Variants in FBXO38 observed in about 807,000 individuals in gnomAD.
The protein encoded by FBXO38 is F-box protein 38, also known as F-box only protein 38.
A neutral mutation model predicts 131.9 loss-of-function variants in FBXO38; 53 were observed. That is an observed-to-expected ratio of 0.40 (90% CI 0.32 to 0.51). The LOEUF (loss-of-function observed/expected upper bound fraction) is 0.51, where lower values mean the gene tolerates loss of function less well. Among genes scored for constraint, FBXO38 ranks in the 20% least tolerant of loss-of-function variants. FBXO38 has a pLI of 0.53. For synonymous variants in FBXO38, 452 were observed against 505.6 expected, an observed-to-expected ratio of 0.89 and a Z score of 1.42; for missense variants, 1,076 against 1,475.6, an observed-to-expected ratio of 0.73 and a Z score of 4.44.
chr5:148,400,647 T>C (rs1752090711), intron 3 of FBXO38, among the ~76,000 whole-genome samples: 1 of 152,130 alleles, frequency 6.6e-6, no homozygotes, highest in Admixed American at 6.6e-5. Context: ...CTTTATATAA[T>C]AGTACTTTAT....
At chr5:148,438,798 T>A (rs190789854) in intron 18 of FBXO38, among the ~76,000 whole-genome samples, 129 of 152,302 alleles carry the variant, frequency 8.5e-4, no homozygotes, top group African/African-American at 3.0e-3. Flanking sequence ...TTTCTTCATC[T>A]GTAAAATTAG....
intron 12 of FBXO38, among the ~76,000 whole-genome samples, chr5:148,421,434 A>G (rs1753424301): frequency 6.6e-6 from 1 of 152,200 alleles, no homozygotes; most frequent in African/African-American, 2.4e-5. Flanking sequence ...TGGGGCAGGT[A>G]GTTGTCAACC....
chr5:148,424,773 G>A (rs1370524722), intron 13 of FBXO38, among the ~76,000 whole-genome samples: 1 of 152,150 alleles, frequency 6.6e-6, no homozygotes, highest in African/African-American at 2.4e-5. Context: ...TTTTAAGAGT[G>A]TTAGAGATGC....
Position 148,414,281 on chromosome 5 carries a change from A to G in FBXO38, c.1239A>G (p.Leu413=). Residue 413 remains leucine, a synonymous_variant, in exon 10 of 22, where the codon CTA becomes CTG. Coordinates refer to ENST00000340253, the MANE Select transcript of FBXO38 (RefSeq NM_205836.3). The part of the protein sequence containing the change: ...KYLAIYNCPH[L]HNPYNWISDH... ...TGGCAATTTACAATTGCCCTCATCT[A>G]CACAACCCATACAATTGGATCTCAG... 6.2e-7 allele frequency: 1 copy of G among 1,609,904 alleles called. No homozygotes were observed. The highest frequency in any genetic ancestry group is 1.1e-5 in the South Asian group (1 of 90,200).
At chr5:148,429,144 G>A (rs534260762) in intron 15 of FBXO38, among the ~76,000 whole-genome samples, 50 of 152,130 alleles carry the variant, frequency 3.3e-4, no homozygotes, top group Admixed American at 2.7e-3. Flanking sequence ...GACACCTTTT[G>A]TTGTGTGGTT....
At chr5:148,425,448 C>A in intron 13 of FBXO38, 74 bp from the exon 14 acceptor site, 1 of 1,168,506 alleles carries the variant, frequency 8.6e-7, no homozygotes, top group Non-Finnish European at 1.2e-6. Context: ...GATTCCAGAT[C>A]CCTGGAAACA....
intron 20 of FBXO38, 65 bp from the exon 21 acceptor site, chr5:148,441,059 A>G: frequency 7.8e-6 from 8 of 1,020,304 alleles, no homozygotes; most frequent in Admixed American, 3.4e-5. Flanking sequence ...TGCTTACAAA[A>G]TACTGCAGAA....
At chr5:148,403,841 G>C (rs1473434102) in intron 5 of FBXO38, among the ~76,000 whole-genome samples, 1 of 152,126 alleles carries the variant, frequency 6.6e-6, no homozygotes, top group Admixed American at 6.6e-5. Context: ...GCATTAAACA[G>C]TTTTGCCAAC....
At chr5:148,389,905 T>A (rs1758110333) in intron 1 of FBXO38, 1 of 152,222 alleles carries the variant, frequency 6.6e-6, no homozygotes, top group African/African-American at 2.4e-5. Context: ...GGCATACGCC[T>A]GTAGTCCCAG....
rs147801293 is a variant in FBXO38 at position 148,401,615 on chromosome 5, G to A, written c.263-367G>A. ...GGTTTTACAGACGAGAGTACCCATG[G>A]GGGAGGAGGAGGGTGGTGGTGATCA... is the stretch of plus-strand genomic sequence containing the variant. On this transcript the variant is annotated intron_variant, in intron 3 of 21. Coordinates refer to ENST00000340253, the MANE Select transcript of FBXO38 (RefSeq NM_205836.3). Among the ~76,000 whole-genome samples the A allele has an allele frequency of 2.2e-3, 340 of 152,192 alleles. 1 individual carries two copies. Among genetic ancestry groups the A allele is most frequent in the Non-Finnish European group, 3.9e-3 (265 of 67,988 alleles).
chr5:148,420,027 G>A lies in FBXO38; in HGVS notation c.1618+2823G>A, dbSNP rs184901375. Among the ~76,000 whole-genome samples the A allele has an allele frequency of 3.9e-3, 598 of 152,058 alleles. 5 individuals carry two copies. The highest frequency in any genetic ancestry group is 0.027 in the Middle Eastern group (8 of 294). On this transcript the variant is annotated intron_variant, in intron 12 of 21. Transcript: ENST00000340253. ...GTATTTTGAGAAGTCTTAGAACTTA[G>A]AGTACTTAATTGTGAGCTAGTTAGC...
At chr5:148,405,563 ATCT>A (rs1752400051) in intron 6 of FBXO38, among the ~76,000 whole-genome samples, 1 of 152,134 alleles carries the variant, frequency 6.6e-6, no homozygotes, top group Admixed American at 6.5e-5. Flanking sequence ...TCCAAGATAT[ATCT>A]TCTTTTATCA....
intron 12 of FBXO38, among the ~76,000 whole-genome samples, chr5:148,420,676 T>C (rs532854985): frequency 1.3e-5 from 2 of 152,314 alleles, no homozygotes; most frequent in East Asian, 3.9e-4. Flanking sequence ...CTGAATTAAC[T>C]ACCAAGTGAA....
At chr5:148,396,365 A>G (rs544927990) in intron 2 of FBXO38, among the ~76,000 whole-genome samples, 49 of 152,300 alleles carry the variant, frequency 3.2e-4, no homozygotes, top group African/African-American at 1.0e-3. Context: ...GGCTCCATTC[A>G]AATACATGTG....
At position 148,442,337 on chromosome 5, in the gene FBXO38, TA is replaced by T. The variant is rs1268926325; in HGVS notation, c.*193del. 2.4e-6 allele frequency: 1 copy of T among 415,592 alleles called. No individual in the cohort carries two copies. The highest frequency in any genetic ancestry group is 2.0e-5 in the African/African-American group (1 of 49,392). 25.7% of individuals were successfully genotyped at this position (415,592 alleles called of 1,614,324 possible). ...ATAAAAAATATACAAAGACGCTTCC[TA>T]AAGTACCAACTTTATATCATATGTT... On this transcript the variant is annotated 3_prime_UTR_variant, in exon 22 of 22. Transcript: ENST00000340253.
intron 15 of FBXO38, among the ~76,000 whole-genome samples, chr5:148,428,263 C>T (rs1200568550): frequency 1.3e-5 from 2 of 152,206 alleles, no homozygotes; most frequent in Non-Finnish European, 2.9e-5. Context: ...CCATCACACA[C>T]TTAGAGAAGT....
rs998913489 is a variant in FBXO38, at chr5:148,432,980, T to C, written c.2654-444T>C. 1.3e-4 allele frequency among the ~76,000 whole-genome samples: 20 copies of C among 152,306 alleles called. No individual in the cohort carries two copies. In the South Asian group the frequency reaches 2.7e-3, roughly 21 times the overall value. ...AGAGCAATTGATGACTTCAGAGACA[T>C]TGGCAGTGGGAGATGACTAGAGTAT... is the stretch of plus-strand genomic sequence containing the variant. On this transcript the variant is annotated intron_variant, in intron 15 of 21. Coordinates refer to ENST00000340253, the MANE Select transcript of FBXO38 (RefSeq NM_205836.3).
Position 148,426,759 on chromosome 5 carries a change from G to C in FBXO38, c.1919-454G>C, listed in dbSNP as rs115919552. On this transcript the variant is annotated intron_variant, in intron 14 of 21. Coordinates refer to ENST00000340253, the MANE Select transcript of FBXO38 (RefSeq NM_205836.3). ...AGTTCTAGTCTAGTTGAAGAGTCAT[G>C]TCAAAAACAATAGGTAGTAATATTA... Among the ~76,000 whole-genome samples the C allele has an allele frequency of 6.1e-3, 933 of 152,298 alleles. 7 individuals are homozygous for C. Among genetic ancestry groups the C allele is most frequent in the Non-Finnish European group, 9.9e-3 (676 of 68,020 alleles).
chr5:148,433,348 C>T lies in FBXO38; in HGVS notation c.2654-76C>T, dbSNP rs1484825825. On this transcript the variant is annotated intron_variant, in intron 15 of 21. Transcript: ENST00000340253. The stretch of plus-strand genomic sequence containing the variant: ...GGGAATTACCTTGATTATGTTCATA[C>T]GTATGTGATTGAATGTGCTTGAGGG... The T allele has an allele frequency of 5.9e-5, 57 of 961,036 alleles. No individual in the cohort carries two copies. In the East Asian group the frequency reaches 1.3e-3, roughly 21 times the overall value. The allele number at this position is 961,036 out of a possible 1,614,324, so 59.5% of individuals were successfully genotyped here.
Sources: gnomAD v4.1 joint callset for allele counts (sites outside exome capture counted in the v4.1 genomes callset) on GRCh38, gnomAD v4.1.1 for gene constraint, MANE v1.5 for transcripts, NCBI Gene and HGNC (gene_info 2026-07-23, HGNC 2026-07-21) for gene names.